GDPD1: variants seen among roughly 807,000 people sequenced by gnomAD.
The protein encoded by GDPD1 is glycerophosphodiester phosphodiesterase domain containing 1.
In GDPD1, 28 loss-of-function variants were observed where a neutral mutation model predicts 45.1. The ratio of observed to expected loss-of-function variants is 0.62; its 90% CI spans 0.46 to 0.85. The LOEUF (loss-of-function observed/expected upper bound fraction) is 0.85. GDPD1 is among the 40% of genes least tolerant of loss of function. The pLI, the probability that GDPD1 is intolerant of heterozygous loss-of-function variation, is 0.00. For synonymous variants in GDPD1, 139 were observed against 131.4 expected, an observed-to-expected ratio of 1.06 and a Z score of -0.40; for missense variants, 256 against 364.8, an observed-to-expected ratio of 0.70 and a Z score of 2.43.
chr17:59,238,532 G>T (rs1412708491), intron 2 of GDPD1, among the ~76,000 whole-genome samples: 6 of 151,322 alleles, frequency 4.0e-5, no homozygotes, highest in Non-Finnish European at 5.9e-5. Context: ...TCCTGCCTCA[G>T]CCTCCCGAGT....
intron 1 of GDPD1, among the ~76,000 whole-genome samples, chr17:59,224,091 A>G (rs2047026749): frequency 6.6e-6 from 1 of 152,188 alleles, no homozygotes; most frequent in African/African-American, 2.4e-5. Flanking sequence ...GATGTTAACA[A>G]ATGTGATTTT....
intron 6 of GDPD1, among the ~76,000 whole-genome samples, chr17:59,258,549 A>C (rs1350433604): frequency 1.3e-5 from 2 of 152,062 alleles, no homozygotes; most frequent in Non-Finnish European, 1.5e-5. Flanking sequence ...TCTCAAAAAA[A>C]ACAAACAAAC....
intron 8 of GDPD1, among the ~76,000 whole-genome samples, chr17:59,271,738 A>T (rs988691234): frequency 6.6e-6 from 1 of 151,092 alleles, no homozygotes; most frequent in Non-Finnish European, 1.5e-5. Flanking sequence ...GGTTCAAGTG[A>T]TTCTTCTGCC....
At chr17:59,235,119 G>A (rs2047121798) in intron 2 of GDPD1, among the ~76,000 whole-genome samples, 1 of 151,914 alleles carries the variant, frequency 6.6e-6, no homozygotes, top group Admixed American at 6.6e-5. Flanking sequence ...TAGAGTCAAT[G>A]ATTATCATCA....
At chr17:59,268,493 G>A (rs1436769624) in intron 7 of GDPD1, among the ~76,000 whole-genome samples, 1 of 150,520 alleles carries the variant, frequency 6.6e-6, no homozygotes, top group Non-Finnish European at 1.5e-5. Context: ...GCAGGAGAAT[G>A]GCGTGAGCCT....
intron 3 of GDPD1, 149 bp from the exon 4 acceptor site, chr17:59,248,591 G>T: frequency 1.9e-6 from 1 of 539,194 alleles, no homozygotes; most frequent in Non-Finnish European, 3.3e-6. Flanking sequence ...TGGTTAATTT[G>T]CTGTTGGGGA....
In GDPD1 at chr17:59,271,039, A is replaced by G. The variant is rs762504150; in HGVS notation, c.770+44A>G. On this transcript the variant is annotated intron_variant, in intron 8 of 9. Coordinates refer to ENST00000284116, the MANE Select transcript of GDPD1 (RefSeq NM_182569.4). Reference sequence around the variant, plus strand: ...TAATATGCAAGTTATTGCTTCAGCTATATTTATTAAATACTACCCTTAAAA... The same window carrying G: ...TAATATGCAAGTTATTGCTTCAGCTGTATTTATTAAATACTACCCTTAAAA... 5.1e-5 allele frequency: 60 copies of G among 1,182,854 alleles called. 1 individual carries two copies. The South Asian group carries it at 6.8e-4, about 13-fold the overall frequency. The allele number at this position is 1,182,854 out of a possible 1,614,324, so 73.3% of individuals were successfully genotyped here. A position where few individuals can be genotyped will look rare whatever the true frequency, so the allele number is the denominator to read the frequency against.
At chr17:59,240,725 C>T (rs564180546) in intron 2 of GDPD1, among the ~76,000 whole-genome samples, 1 of 152,274 alleles carries the variant, frequency 6.6e-6, no homozygotes, top group South Asian at 2.1e-4. Flanking sequence ...CCTGGCTCGG[C>T]CTCCCAAAGT....
At chr17:59,240,739 G>T (rs1041029308) in intron 2 of GDPD1, among the ~76,000 whole-genome samples, 1 of 151,996 alleles carries the variant, frequency 6.6e-6, no homozygotes, top group Middle Eastern at 3.2e-3. Context: ...CCAAAGTGTT[G>T]GGATTACAGG....
At chr17:59,254,173 A>G (rs912823016) in intron 4 of GDPD1, among the ~76,000 whole-genome samples, 1 of 151,902 alleles carries the variant, frequency 6.6e-6, no homozygotes. Flanking sequence ...ACCAGCCTGA[A>G]CAACATGGAG....
At chr17:59,265,719 G>A (rs1291699518) in intron 6 of GDPD1, among the ~76,000 whole-genome samples, 1 of 151,636 alleles carries the variant, frequency 6.6e-6, no homozygotes, top group Non-Finnish European at 1.5e-5. Flanking sequence ...GTGACATGGT[G>A]AAACCTCATA....
rs1568347070 is a variant in GDPD1, at chr17:59,255,876, C to CACACACACGTATATATATATAT, written c.368-1238_368-1237insGTATATATATATATACACACAC. On this transcript the variant is annotated intron_variant, in intron 4 of 9. Coordinates refer to ENST00000284116, the MANE Select transcript of GDPD1 (RefSeq NM_182569.4). ...ACACACGTATATATATATATATATA[C>CACACACACGTATATATATATAT]ACACACACACACACACATATATATA... Among the ~76,000 whole-genome samples, 45 of 41,888 alleles carry CACACACACGTATATATATATAT rather than the reference C, an allele frequency of 1.1e-3. No homozygotes were observed. The East Asian group carries it at 0.012, about 11-fold the overall frequency. 27.5% of individuals were successfully genotyped at this position (41,888 alleles called of 152,430 possible).
intron 9 of GDPD1, 38 bp downstream of exon 9, chr17:59,272,874 G>A (rs1425683235): frequency 1.2e-6 from 2 of 1,613,392 alleles, no homozygotes; most frequent in Non-Finnish European, 1.7e-6. Flanking sequence ...AAGCAGCATA[G>A]CTCACCAGTT....
intron 7 of GDPD1, among the ~76,000 whole-genome samples, chr17:59,268,184 G>A (rs773107519): frequency 1.5e-4 from 23 of 152,122 alleles, no homozygotes; most frequent in Admixed American, 6.5e-5. Context: ...TTCTACACAC[G>A]TAGAATGTGA....
intron 1 of GDPD1, among the ~76,000 whole-genome samples, chr17:59,232,216 G>T (rs1211114026): frequency 6.6e-6 from 1 of 152,134 alleles, no homozygotes; most frequent in African/African-American, 2.4e-5. Context: ...ACTTTGGGAG[G>T]CCAAGGCGGG....
chr17:59,239,230 T>C (rs1040017486), intron 2 of GDPD1, among the ~76,000 whole-genome samples: 3 of 152,226 alleles, frequency 2.0e-5, no homozygotes, highest in African/African-American at 7.2e-5. Flanking sequence ...ACAACCTCAG[T>C]GTTGTGAAGA....
At chr17:59,270,615 G>GA (rs1362066588) in intron 7 of GDPD1, among the ~76,000 whole-genome samples, 1 of 152,090 alleles carries the variant, frequency 6.6e-6, no homozygotes, top group African/African-American at 2.4e-5. Flanking sequence ...CAAAGCAGGA[G>GA]AAAGATTTCA....
chr17:59,268,702 GA>G (rs1555725488), intron 7 of GDPD1, among the ~76,000 whole-genome samples: 8 of 151,944 alleles, frequency 5.3e-5, no homozygotes, highest in Non-Finnish European at 7.4e-5. Flanking sequence ...TGACTTGGGG[GA>G]AAAAAATAAA....
intron 4 of GDPD1, among the ~76,000 whole-genome samples, chr17:59,251,223 A>C (rs1485499524): frequency 6.6e-6 from 1 of 152,220 alleles, no homozygotes; most frequent in African/African-American, 2.4e-5. Context: ...TGTTGTATTA[A>C]GAACAATGCT....
Sources: allele counts gnomAD v4.1 joint callset (sites outside exome capture counted in the v4.1 genomes callset), GRCh38; gene constraint gnomAD v4.1.1; transcripts MANE v1.5; gene names NCBI Gene and HGNC (gene_info 2026-07-23, HGNC 2026-07-21).